The following FOSB variants were observed in gnomAD, a reference collection of about 807,000 sequenced individuals.
FOSB encodes protein FosB.
A neutral mutation model predicts 31.1 loss-of-function variants in FOSB; 8 were observed. That is an observed-to-expected ratio of 0.26 (90% CI 0.15 to 0.46). The LOEUF is 0.46. Ranked by LOEUF, FOSB falls within the 20% of genes least tolerant of loss-of-function variation. The pLI is 0.99. For missense variants in FOSB, 376 were observed against 460.6 expected (o/e 0.82, Z 1.68); for synonymous variants, 214 against 206.1 (o/e 1.04, Z -0.33).
rs1555794810 is a variant in FOSB at position 45,468,944 on chromosome 19, T to TG, written c.126+237dup. ...AGGGAGGGTAGGCTTTGGGGCGAGG[T>TG]GGGGGTGGGGTGGGTAATGCGCTGC... On this transcript the variant is annotated intron_variant, in intron 1 of 3. Transcript: ENST00000353609. This position sits in a 1 kb window ranked among gnomAD's most constrained non-coding sequence, Gnocchi z 4.8. 7.7e-5 allele frequency among the ~76,000 whole-genome samples: 11 copies of TG among 142,960 alleles called. No individual in the cohort carries two copies. The highest frequency in any genetic ancestry group is 1.7e-4 in the Non-Finnish European group (11 of 65,056). 93.8% of individuals were successfully genotyped at this position (142,960 alleles called of 152,430 possible).
chr19:45,469,502 G>T (rs1012262244), intron 1 of FOSB, among the ~76,000 whole-genome samples: 2 of 152,186 alleles, frequency 1.3e-5, no homozygotes, highest in African/African-American at 4.8e-5. Flanking sequence ...TGGCGGCTGG[G>T]TCTCTTTTCG....
Position 45,470,888 on chromosome 19 carries a change from C to T in FOSB, c.386C>T (p.Thr129Ile), listed in dbSNP as rs1967629950. 2 of 1,613,854 alleles carry T rather than the reference C, an allele frequency of 1.2e-6. No homozygotes were observed. The highest frequency in any genetic ancestry group is 8.5e-7 in the Non-Finnish European group (1 of 1,179,986). Residue 129 changes from threonine to isoleucine, a missense_variant, in exon 2 of 4, where the codon ACC (threonine) becomes ATC (isoleucine). Physicochemically the swap from Thr to Ile is moderately conservative, Grantham distance 89. Around this residue, in one of 3 missense-constraint regions of FOSB, gnomAD observed 193 missense variants for 207.1 expected, o/e 0.93. Coordinates refer to ENST00000353609, the MANE Select transcript of FOSB (RefSeq NM_006732.3). ...GGTGGGCCTTCCACCAGCGGAACTACCAGTGGGCCTGGGCCTGCCCGCCCA... is the reference window on the plus strand; with the variant it reads ...GGTGGGCCTTCCACCAGCGGAACTATCAGTGGGCCTGGGCCTGCCCGCCCA... Reference protein sequence around the residue: ...GSGGPSTSGTTSGPGPARPAR... With the variant: ...GSGGPSTSGTISGPGPARPAR...
At position 45,471,389 on chromosome 19, in the gene FOSB, TG is replaced by T. The variant is rs28381246; in HGVS notation, c.555+91del. ...CCCCTCTCCACCTGTACCCTTATCC[TG>T]GGTTGAGAACTAGACGTTCCACACA... is the stretch of plus-strand genomic sequence containing the variant. On this transcript the variant is annotated intron_variant, in intron 3 of 3. Coordinates refer to ENST00000353609, the MANE Select transcript of FOSB (RefSeq NM_006732.3). 1,969 of 989,132 alleles carry T rather than the reference TG, an allele frequency of 2.0e-3. 27 individuals are homozygous for T. The African/African-American group carries it at 0.028, about 14-fold the overall frequency. The allele number at this position is 989,132 out of a possible 1,614,324, so 61.3% of individuals were successfully genotyped here.
chr19:45,470,912 C>T lies in FOSB; in HGVS notation c.410C>T (p.Pro137Leu), dbSNP rs780174960. 1 of 1,613,466 alleles carries T rather than the reference C, an allele frequency of 6.2e-7. No homozygotes were observed. Among genetic ancestry groups the T allele is most frequent in the South Asian group, 1.1e-5 (1 of 91,074 alleles). The change falls in exon 2 of 4, where the codon CCA becomes CTA. Residue 137 changes from proline (P) to leucine (L), a missense_variant. Coordinates refer to ENST00000353609, the MANE Select transcript of FOSB (RefSeq NM_006732.3). ...ACCAGTGGGCCTGGGCCTGCCCGCC[C>T]AGCCCGAGCCCGGCCTAGGAGACCC... ...GTTSGPGPAR[P>L]ARARPRRPRE...
At position 45,471,189 on chromosome 19, in the gene FOSB, C is replaced by G; in HGVS notation, c.448-5C>G. The G allele has an allele frequency of 8.3e-6, 13 of 1,557,004 alleles. No homozygotes were observed. Among genetic ancestry groups the G allele is most frequent in the Non-Finnish European group, 1.0e-5 (12 of 1,149,582 alleles). On this transcript the variant is annotated splice_polypyrimidine_tract_variant and splice_region_variant and intron_variant, in intron 2 of 3. Coordinates refer to ENST00000353609, the MANE Select transcript of FOSB (RefSeq NM_006732.3). ...AATCTCATGGCCTCTATCTCCCTGACTCAGCTCACCCCAGAGGAAGAGGAG... is the reference window on the plus strand; with the variant it reads ...AATCTCATGGCCTCTATCTCCCTGAGTCAGCTCACCCCAGAGGAAGAGGAG...
At position 45,472,811 on chromosome 19, in the gene FOSB, A is replaced by AC; in HGVS notation, c.822dup (p.Asn275GlnfsTer11). The AC allele has an allele frequency of 6.2e-7, 1 of 1,613,424 alleles. No homozygotes were observed. Among genetic ancestry groups the AC allele is most frequent in the Non-Finnish European group, 8.5e-7 (1 of 1,179,894 alleles). On this transcript the variant is annotated frameshift_variant, in exon 4 of 4. Transcript: ENST00000353609. LOFTEE classifies it high-confidence loss of function. The surrounding 1 kb of genome is among the most constrained non-coding windows in gnomAD (Gnocchi z 5.4). ...TGCCCTTCCAGACCAGCCAAGACGCACCCCCCAACCTGACGGCTTCTCTCT... is the reference window on the plus strand; with the variant it reads ...TGCCCTTCCAGACCAGCCAAGACGCACCCCCCCAACCTGACGGCTTCTCTCT...
At position 45,472,665 on chromosome 19, in the gene FOSB, A is replaced by T. The variant is rs771108595; in HGVS notation, c.670A>T (p.Ile224Phe). ...GGTGGCCCACAAACCGGGCTGCAAGATCCCCTACGAAGAGGGGCCCGGGCC... is the reference window on the plus strand; with the variant it reads ...GGTGGCCCACAAACCGGGCTGCAAGTTCCCCTACGAAGAGGGGCCCGGGCC... ...VLVAHKPGCKIPYEEGPGPGP... is the reference protein window; with the variant it reads ...VLVAHKPGCKFPYEEGPGPGP... Residue 224 changes from isoleucine to phenylalanine, a missense_variant, in exon 4 of 4, where the codon ATC becomes TTC. By Grantham distance (21) the Ile-to-Phe change is conservative. Around this residue, in one of 3 missense-constraint regions of FOSB, gnomAD observed 148 missense variants for 170.0 expected, o/e 0.87. Coordinates refer to ENST00000353609, the MANE Select transcript of FOSB (RefSeq NM_006732.3). This position sits in a 1 kb window ranked among gnomAD's most constrained non-coding sequence, Gnocchi z 5.4. 5.9e-5 allele frequency: 95 copies of T among 1,599,620 alleles called. No individual in the cohort carries two copies. Among genetic ancestry groups the T allele is most frequent in the Middle Eastern group, 1.7e-4 (1 of 5,932 alleles).
chr19:45,468,360 G>C lies in FOSB; in HGVS notation c.-227G>C. 1 of 511,272 alleles carries C rather than the reference G, an allele frequency of 2.0e-6. No homozygotes were observed. Among genetic ancestry groups the C allele is most frequent in the Non-Finnish European group, 3.5e-6 (1 of 287,642 alleles). The allele number at this position is 511,272 out of a possible 1,614,324, so 31.7% of individuals were successfully genotyped here. A position where few individuals can be genotyped will look rare whatever the true frequency, so the allele number is the denominator to read the frequency against. On this transcript the variant is annotated 5_prime_UTR_variant, in exon 1 of 4. Coordinates refer to ENST00000353609, the MANE Select transcript of FOSB (RefSeq NM_006732.3). The surrounding 1 kb of genome is among the most constrained non-coding windows in gnomAD (Gnocchi z 4.8). ...TCAAGAGGTACAGCGGCATCCTGTGGGGGCCTGGGCACCGCAGGAAGACTG... is the reference window on the plus strand; with the variant it reads ...TCAAGAGGTACAGCGGCATCCTGTGCGGGCCTGGGCACCGCAGGAAGACTG...
chr19:45,470,630 A>G lies in FOSB; in HGVS notation c.128A>G (p.Glu43Gly). 1 of 1,603,500 alleles carries G rather than the reference A, an allele frequency of 6.2e-7. No homozygotes were observed. The change falls in exon 2 of 4, where the codon GAG becomes GGG. Residue 43 changes from glutamate (E) to glycine (G), a missense_variant and splice_region_variant. Glu to Gly is a moderately conservative substitution (Grantham distance 98). This residue lies in a region of FOSB where 193 missense variants were observed against 207.1 expected (regional missense o/e 0.93). Transcript: ENST00000353609. The stretch of plus-strand genomic sequence containing the variant: ...GTGTGTGTATGTGTCACCCCGTAGG[A>G]GTGCGCCGGTCTCGGGGAAATGCCC... ...GSPPTAAASQ[E>G]CAGLGEMPGS...
intron 2 of FOSB, 117 bp downstream of exon 2, chr19:45,471,066 C>G (rs1371298363): frequency 3.0e-6 from 4 of 1,353,856 alleles, no homozygotes; most frequent in Non-Finnish European, 4.1e-6. Flanking sequence ...CCCCAAGATC[C>G]TTGCTACACG....
chr19:45,472,540 C>T lies in FOSB; in HGVS notation c.556-11C>T. ...TCTCTCTCTTCTGTGACCTGGCCTC[C>T]CTGGCCTCAGGAGACAGATCAGTTG... On this transcript the variant is annotated splice_polypyrimidine_tract_variant and intron_variant, in intron 3 of 3. Coordinates refer to ENST00000353609, the MANE Select transcript of FOSB (RefSeq NM_006732.3). This position sits in a 1 kb window ranked among gnomAD's most constrained non-coding sequence, Gnocchi z 5.4. The T allele has an allele frequency of 6.6e-7, 1 of 1,506,264 alleles. No individual in the cohort carries two copies. The highest frequency in any genetic ancestry group is 2.3e-5 in the Admixed American group (1 of 42,966). The allele number at this position is 1,506,264 out of a possible 1,614,324, so 93.3% of individuals were successfully genotyped here.
chr19:45,470,326 AC>A, intron 1 of FOSB: 3 of 387,984 alleles, frequency 7.7e-6, no homozygotes, highest in Non-Finnish European at 1.4e-5. Flanking sequence ...CCTCCTCTCC[AC>A]CCCCCATACC....
rs761262027 is a variant in FOSB, at chr19:45,470,777, C to T, written c.275C>T (p.Pro92Leu). The change falls in exon 2 of 4, where the codon CCG becomes CTG. Residue 92 changes from proline (P) to leucine (L), a missense_variant. By Grantham distance (98) the Pro-to-Leu change is moderately conservative. Transcript: ENST00000353609. Reference sequence around the variant, plus strand: ...GGGCAGCCACTGGCCTCCCAGCCCCCGGTCGTCGACCCCTACGACATGCCG... The same window carrying T: ...GGGCAGCCACTGGCCTCCCAGCCCCTGGTCGTCGACCCCTACGACATGCCG... Reference protein sequence around the residue: ...SQGQPLASQPPVVDPYDMPGT... With the variant: ...SQGQPLASQPLVVDPYDMPGT... 10 of 1,613,820 alleles carry T rather than the reference C, an allele frequency of 6.2e-6. No homozygotes were observed. The highest frequency in any genetic ancestry group is 4.5e-5 in the East Asian group (2 of 44,898).
intron 1 of FOSB, among the ~76,000 whole-genome samples, chr19:45,469,312 C>A (rs1157213666): frequency 2.6e-5 from 4 of 152,244 alleles, no homozygotes; most frequent in African/African-American, 9.6e-5. Flanking sequence ...TCGTCCGCCC[C>A]GCCCCTGACG....
At chr19:45,470,417 A>G in intron 1 of FOSB, 1 of 562,672 alleles carries the variant, frequency 1.8e-6, no homozygotes, top group East Asian at 2.9e-5. Context: ...GAGGAGGTAG[A>G]AGCCAGTTGA....
rs1330199265 is a variant in FOSB at position 45,473,144 on chromosome 19, C to A, written c.*132C>A. 1 of 765,250 alleles carries A rather than the reference C, an allele frequency of 1.3e-6. No individual in the cohort carries two copies. Among genetic ancestry groups the A allele is most frequent in the Non-Finnish European group, 2.1e-6 (1 of 473,728 alleles). 47.4% of individuals were successfully genotyped at this position (765,250 alleles called of 1,614,324 possible). On this transcript the variant is annotated 3_prime_UTR_variant, in exon 4 of 4. Coordinates refer to ENST00000353609, the MANE Select transcript of FOSB (RefSeq NM_006732.3). ...TGGCCTCCCTGGCTCCTCCGTCTGA[C>A]CCTCTGCGGCCACTGCGCCACTGCC...
At chr19:45,471,495 G>GCCCC (rs1316780338) in intron 3 of FOSB, 194 bp downstream of exon 3, 18 of 399,254 alleles carry the variant, frequency 4.5e-5, no homozygotes, top group African/African-American at 1.8e-4. Context: ...TCAACTCCTG[G>GCCCC]TCCCCCCCCC....
Position 45,473,303 on chromosome 19 carries a change from C to T in FOSB, c.*291C>T, listed in dbSNP as rs1223766748. 1 of 255,768 alleles carries T rather than the reference C, an allele frequency of 3.9e-6. No homozygotes were observed. The highest frequency in any genetic ancestry group is 7.5e-6 in the Non-Finnish European group (1 of 134,080). 15.8% of individuals were successfully genotyped at this position (255,768 alleles called of 1,614,324 possible). A position where few individuals can be genotyped will look rare whatever the true frequency, so the allele number is the denominator to read the frequency against. The stretch of plus-strand genomic sequence containing the variant: ...CCCCAGCTGACTGTTGGCTCTCTGA[C>T]GTCAACCCAAGCTCTGGGGATGGGT... On this transcript the variant is annotated 3_prime_UTR_variant, in exon 4 of 4. Coordinates refer to ENST00000353609, the MANE Select transcript of FOSB (RefSeq NM_006732.3).
chr19:45,469,709 C>T (rs1010452059), intron 1 of FOSB, among the ~76,000 whole-genome samples: 1 of 152,162 alleles, frequency 6.6e-6, no homozygotes, highest in Non-Finnish European at 1.5e-5. Context: ...GACACATTCC[C>T]ACTCCCTCTG....
Sources: allele counts gnomAD v4.1 joint callset (sites outside exome capture counted in the v4.1 genomes callset), GRCh38; gene constraint gnomAD v4.1.1; regional missense constraint gnomAD v4.1.1; non-coding constraint Gnocchi (gnomAD v3.1); transcripts MANE v1.5; gene names NCBI Gene and HGNC (gene_info 2026-07-23, HGNC 2026-07-21).